ITGA1: variants seen among roughly 807,000 people sequenced by gnomAD.
ITGA1 encodes the protein integrin subunit alpha 1.
ITGA1 carries 85 observed loss-of-function variants against 145.9 expected under a neutral mutation model. The ratio of observed to expected loss-of-function variants is 0.58; its 90% CI spans 0.49 to 0.70. The LOEUF is 0.70. ITGA1 is among the 30% of genes least tolerant of loss of function. The pLI is 0.00. For missense variants in ITGA1, 1,351 were observed against 1,418.7 expected (o/e 0.95, Z 0.77); for synonymous variants, 520 against 495.3 (o/e 1.05, Z -0.66).
At position 52,937,399 on chromosome 5, in the gene ITGA1, AG is replaced by A; in HGVS notation, c.2965-1del. The A allele has an allele frequency of 3.2e-6, 5 of 1,581,190 alleles. No individual in the cohort carries two copies. Among genetic ancestry groups the A allele is most frequent in the Non-Finnish European group, 4.3e-6 (5 of 1,150,672 alleles). ...GATTACATTTCCATTTTTTTCTTGT[AG>A]ATTAGAAAAAGTGGATCTTTTCCAA... On this transcript the variant is annotated splice_acceptor_variant, in intron 23 of 28. Transcript: ENST00000282588. LOFTEE classifies it high-confidence loss of function.
intron 20 of ITGA1, among the ~76,000 whole-genome samples, chr5:52,928,971 T>A (rs1052011933): frequency 6.6e-6 from 1 of 152,212 alleles, no homozygotes; most frequent in African/African-American, 2.4e-5. Flanking sequence ...GGCTTTGTGG[T>A]GTGGAACTTA....
At chr5:52,843,367 T>C (rs577794325) in intron 1 of ITGA1, among the ~76,000 whole-genome samples, 1 of 152,322 alleles carries the variant, frequency 6.6e-6, no homozygotes, top group South Asian at 2.1e-4. Context: ...CTTGTCACCA[T>C]TTATTTGATA....
intron 2 of ITGA1, among the ~76,000 whole-genome samples, chr5:52,852,864 A>T (rs186773644): frequency 2.0e-5 from 3 of 152,044 alleles, no homozygotes; most frequent in Admixed American, 2.0e-4. Context: ...ATCATCAATT[A>T]AAAAAAAGCT....
At chr5:52,850,688 T>C (rs1749417775) in intron 2 of ITGA1, among the ~76,000 whole-genome samples, 1 of 152,210 alleles carries the variant, frequency 6.6e-6, no homozygotes, top group South Asian at 2.1e-4. Context: ...CATTATTTTA[T>C]GCTAGGTATA....
At chr5:52,947,140 T>C (rs1350511293) in intron 27 of ITGA1, among the ~76,000 whole-genome samples, 1 of 152,130 alleles carries the variant, frequency 6.6e-6, no homozygotes, top group Non-Finnish European at 1.5e-5. Flanking sequence ...GATAATATTA[T>C]AAATACCTTT....
chr5:52,880,187 C>T (rs930625976), intron 6 of ITGA1, among the ~76,000 whole-genome samples: 10 of 152,118 alleles, frequency 6.6e-5, no homozygotes, highest in Non-Finnish European at 1.5e-4. Context: ...ATAAGGGATA[C>T]ACATCTTAGA....
In ITGA1 at chr5:52,811,476, C is replaced by T. The variant is rs149684910; in HGVS notation, c.61+23062C>T. Among the ~76,000 whole-genome samples, 186 of 151,940 alleles carry T rather than the reference C, an allele frequency of 1.2e-3. 1 individual carries two copies. The highest frequency in any genetic ancestry group is 4.3e-3 in the African/African-American group (178 of 41,436). ...GGTTTAAAAAGAATCTTTTTTGCAC[C>T]CTATTTTAAAAGCTGCCAGATTTGG... On this transcript the variant is annotated intron_variant, in intron 1 of 28. Transcript: ENST00000282588.
chr5:52,843,962 T>G (rs571309912), intron 1 of ITGA1, among the ~76,000 whole-genome samples: 24 of 152,230 alleles, frequency 1.6e-4, no homozygotes, highest in Admixed American at 1.5e-3. Flanking sequence ...TTATTATATT[T>G]TAAAATGTTT....
At chr5:52,854,982 A>G (rs1413907839) in intron 2 of ITGA1, among the ~76,000 whole-genome samples, 1 of 152,204 alleles carries the variant, frequency 6.6e-6, no homozygotes, top group Non-Finnish European at 1.5e-5. Context: ...GCAAGATCTA[A>G]TAGGAATAAA....
In ITGA1 at chr5:52,955,445, T is replaced by C. The variant is rs1751291232; in HGVS notation, c.*2994T>C. 6.6e-6 allele frequency: 1 copy of C among 152,228 alleles called. No individual in the cohort carries two copies. Among genetic ancestry groups the C allele is most frequent in the South Asian group, 2.1e-4 (1 of 4,836 alleles). The allele number at this position is 152,228 out of a possible 1,614,324, so 9.4% of individuals were successfully genotyped here. On this transcript the variant is annotated 3_prime_UTR_variant, in exon 29 of 29. Coordinates refer to ENST00000282588, the MANE Select transcript of ITGA1 (RefSeq NM_181501.2). ...TATACATATCCAATGACACACAGTA[T>C]AATCATGTTTTAAATTATGCCAAAA...
In ITGA1 at chr5:52,939,707, T is replaced by A; in HGVS notation, c.3180+16T>A. On this transcript the variant is annotated intron_variant, in intron 25 of 28. Coordinates refer to ENST00000282588, the MANE Select transcript of ITGA1 (RefSeq NM_181501.2). The stretch of plus-strand genomic sequence containing the variant: ...CACAATTCTGGTAAATTAAGACAAG[T>A]GCTATTTTTACCTTTTGCTTTCCAA... 1 of 1,572,426 alleles carries A rather than the reference T, an allele frequency of 6.4e-7. No homozygotes were observed. Among genetic ancestry groups the A allele is most frequent in the South Asian group, 1.1e-5 (1 of 89,850 alleles).
chr5:52,857,395 A>G (rs1168549251), intron 2 of ITGA1, among the ~76,000 whole-genome samples: 1 of 151,956 alleles, frequency 6.6e-6, no homozygotes, highest in Non-Finnish European at 1.5e-5. Flanking sequence ...CTTTCTTGCC[A>G]TCATTTAGCC....
chr5:52,833,059 G>A (rs1365024717), intron 1 of ITGA1, among the ~76,000 whole-genome samples: 3 of 151,842 alleles, frequency 2.0e-5, no homozygotes, highest in Admixed American at 1.3e-4. Flanking sequence ...GGGCATGGTG[G>A]TACACACTTT....
At chr5:52,940,078 C>T (rs1370127197) in intron 26 of ITGA1, 134 bp downstream of exon 26, 1 of 655,292 alleles carries the variant, frequency 1.5e-6, no homozygotes, top group Non-Finnish European at 2.7e-6. Context: ...TGTGACCAAG[C>T]CCCAGCTCTA....
At chr5:52,910,513 T>G in intron 14 of ITGA1, 94 bp downstream of exon 14, 4 of 1,358,426 alleles carry the variant, frequency 2.9e-6, no homozygotes, top group Non-Finnish European at 3.0e-6. Flanking sequence ...ATTTAATTTC[T>G]TCCTCCTGAC....
intron 6 of ITGA1, among the ~76,000 whole-genome samples, chr5:52,875,285 A>C (rs180891629): frequency 0.011 from 1,556 of 143,164 alleles, 15 homozygotes; most frequent in East Asian, 0.034. Context: ...TAGTATTCCC[A>C]AAAAAAAAAA....
intron 1 of ITGA1, among the ~76,000 whole-genome samples, chr5:52,806,552 TAA>T (rs1260668740): frequency 3.9e-5 from 6 of 152,126 alleles, no homozygotes; most frequent in Non-Finnish European, 8.8e-5. Flanking sequence ...GTGGCGATGA[TAA>T]AGTCTCATTC....
intron 2 of ITGA1, among the ~76,000 whole-genome samples, chr5:52,853,862 A>G (rs1358589133): frequency 6.6e-6 from 1 of 152,192 alleles, no homozygotes; most frequent in Non-Finnish European, 1.5e-5. Context: ...CTTTGAGGAA[A>G]AGAAATTCAA....
Position 52,862,304 on chromosome 5 carries a change from C to T in ITGA1, c.295+745C>T, listed in dbSNP as rs116806072. Among the ~76,000 whole-genome samples the T allele has an allele frequency of 3.0e-3, 455 of 151,636 alleles. 1 individual carries two copies. The highest frequency in any genetic ancestry group is 1.0e-2 in the African/African-American group (413 of 41,330). On this transcript the variant is annotated intron_variant, in intron 3 of 28. Transcript: ENST00000282588. ...GAAGTAATCTGTGTGTCAGAATGGT[C>T]GAGCGGTCTAAGGCGCTGAGTTCAA... is the stretch of plus-strand genomic sequence containing the variant.
Sources: gnomAD v4.1 joint callset for allele counts (sites outside exome capture counted in the v4.1 genomes callset) on GRCh38, gnomAD v4.1.1 for gene constraint, MANE v1.5 for transcripts, NCBI Gene and HGNC (gene_info 2026-07-23, HGNC 2026-07-21) for gene names.